Variants in SLC3A2 observed in about 807,000 individuals in gnomAD.
SLC3A2 encodes the protein amino acid transporter heavy chain SLC3A2.
Under a neutral mutation model 48.5 loss-of-function variants are expected in SLC3A2, and 32 were observed. That is an observed-to-expected ratio of 0.66 (90% confidence interval 0.50 to 0.89). The LOEUF is 0.89. Among genes scored for constraint, SLC3A2 ranks in the 40% least tolerant of loss-of-function variants. The pLI, the probability that SLC3A2 is intolerant of heterozygous loss-of-function variation, is 0.00. For synonymous variants in SLC3A2, 277 were observed against 288.8 expected, an observed-to-expected ratio of 0.96 and a Z score of 0.41; for missense variants, 587 against 680.7, an observed-to-expected ratio of 0.86 and a Z score of 1.53.
intron 1 of SLC3A2, among the ~76,000 whole-genome samples, chr11:62,861,717 A>G (rs1590615998): frequency 6.6e-6 from 1 of 152,018 alleles, no homozygotes; most frequent in Non-Finnish European, 1.5e-5. Context: ...GGAGTTCGAG[A>G]CCAGCCTGAC....
intron 1 of SLC3A2, among the ~76,000 whole-genome samples, chr11:62,869,758 T>C (rs1012795971): frequency 2.6e-5 from 4 of 151,814 alleles, no homozygotes; most frequent in Non-Finnish European, 5.9e-5. Context: ...TTTATTTGTC[T>C]TTTTCTTCAT....
chr11:62,881,957 T>G lies in SLC3A2; in HGVS notation c.489T>G (p.Ile163Met). 1 of 1,614,072 alleles carries G rather than the reference T, an allele frequency of 6.2e-7. No individual in the cohort carries two copies. Among genetic ancestry groups the G allele is most frequent in the Non-Finnish European group, 8.5e-7 (1 of 1,180,010 alleles). Residue 163 changes from isoleucine (I) to methionine (M), a missense_variant, in exon 2 of 9, where the codon ATT becomes ATG. By Grantham distance (10) the Ile-to-Met change is conservative (BLOSUM62 1). Around this residue, in one of 3 missense-constraint regions of SLC3A2, gnomAD observed 409 missense variants for 446.7 expected, o/e 0.92. Coordinates refer to ENST00000338663, the MANE Select transcript of SLC3A2 (RefSeq NM_001013251.3). This position sits in a 1 kb window ranked among gnomAD's most constrained non-coding sequence, Gnocchi z 4.0. The stretch of plus-strand genomic sequence containing the variant: ...TGAAGGGCCTTGTGCTGGGTCCAAT[T>G]CACAAGAACCAGAAGGATGATGTCG... ...LKVKGLVLGP[I>M]HKNQKDDVAQ... is the part of the protein sequence containing the mutation.
At position 62,881,652 on chromosome 11, in the gene SLC3A2, C is replaced by A. The variant is rs574307727; in HGVS notation, c.424+205C>A. ...AGCCGACCCGCCCCTCACTCCGTCA[C>A]GAGGGTGGGTGACTCAGCGTCCTCC... On this transcript the variant is annotated intron_variant, in intron 1 of 8. Coordinates refer to ENST00000338663, the MANE Select transcript of SLC3A2 (RefSeq NM_001013251.3). This position sits in a 1 kb window ranked among gnomAD's most constrained non-coding sequence, Gnocchi z 4.0. The A allele has an allele frequency of 1.4e-5, 13 of 909,958 alleles. No homozygotes were observed. The highest frequency in any genetic ancestry group is 2.1e-5 in the Non-Finnish European group (13 of 622,716). 56.4% of individuals were successfully genotyped at this position (909,958 alleles called of 1,614,324 possible). A position where few individuals can be genotyped will look rare whatever the true frequency, so the allele number is the denominator to read the frequency against.
rs369377724 is a variant in SLC3A2 at position 62,870,018 on chromosome 11, C to T, written c.113-11001C>T. Among the ~76,000 whole-genome samples, 5 of 151,686 alleles carry T rather than the reference C, an allele frequency of 3.3e-5. 1 individual carries two copies. The highest frequency in any genetic ancestry group is 3.9e-4 in the East Asian group (2 of 5,132). ...GGCTGCTCTCTGGCCAGGCTTGTCT[C>T]GAACTCCTGACCTTGTGATCTGCCC... On this transcript the variant is annotated intron_variant, in intron 1 of 9. Coordinates refer to the SLC3A2 transcript ENST00000377889.
intron 1 of SLC3A2, among the ~76,000 whole-genome samples, chr11:62,869,024 G>A (rs986334245): frequency 3.3e-5 from 5 of 151,590 alleles, no homozygotes; most frequent in African/African-American, 9.7e-5. Flanking sequence ...TCAGCCTCCC[G>A]AATAGCTGGG....
At chr11:62,876,157 G>A (rs894360894), upstream of SLC3A2, among the ~76,000 whole-genome samples, 2 of 152,220 alleles carry the variant, frequency 1.3e-5, no homozygotes, top group South Asian at 2.1e-4. Context: ...GAGCTGCTGT[G>A]CCTGGTCAAT....
rs1162222455 is a variant in SLC3A2 at position 62,881,961 on chromosome 11, A to G, written c.493A>G (p.Lys165Glu). 1 of 1,614,040 alleles carries G rather than the reference A, an allele frequency of 6.2e-7. No homozygotes were observed. Among genetic ancestry groups the G allele is most frequent in the Non-Finnish European group, 8.5e-7 (1 of 1,180,038 alleles). ...VKGLVLGPIH[K>E]NQKDDVAQTD... ...GGGCCTTGTGCTGGGTCCAATTCAC[A>G]AGAACCAGAAGGATGATGTCGCTCA... Residue 165 changes from lysine (K) to glutamate (E), a missense_variant, in exon 2 of 9, where the codon AAG becomes GAG. Coordinates refer to ENST00000338663, the MANE Select transcript of SLC3A2 (RefSeq NM_001013251.3). This position sits in a 1 kb window ranked among gnomAD's most constrained non-coding sequence, Gnocchi z 4.0.
chr11:62,858,615 G>T, intron 1 of SLC3A2, among the ~76,000 whole-genome samples: 1 of 152,134 alleles, frequency 6.6e-6, no homozygotes, highest in Non-Finnish European at 1.5e-5. Context: ...TATAGAGAAA[G>T]AAATAAGGGG....
chr11:62,867,641 A>C (rs2085468009), intron 1 of SLC3A2, among the ~76,000 whole-genome samples: 1 of 151,622 alleles, frequency 6.6e-6, no homozygotes, highest in African/African-American at 2.4e-5. Context: ...TCTTTCTTTA[A>C]ATTTAATTTA....
chr11:62,881,209 C>T lies in SLC3A2; in HGVS notation c.186C>T (p.Gly62=), dbSNP rs767692574. The change falls in exon 1 of 9, where the codon GGC becomes GGT. Residue 62 remains glycine, a synonymous_variant. Transcript: ENST00000338663. This position sits in a 1 kb window ranked among gnomAD's most constrained non-coding sequence, Gnocchi z 4.0. The part of the protein sequence containing the change: ...AEAAAAAKFT[G]LSKEELLKVA... ...CGGCAGCCGCGGCTAAGTTCACGGGCCTGTCCAAGGAGGAGCTGCTGAAGG... is the reference window on the plus strand; with the variant it reads ...CGGCAGCCGCGGCTAAGTTCACGGGTCTGTCCAAGGAGGAGCTGCTGAAGG... The T allele has an allele frequency of 5.0e-6, 8 of 1,590,032 alleles. No individual in the cohort carries two copies. The South Asian group carries it at 8.0e-5, about 16-fold the overall frequency.
At chr11:62,885,643 G>T in intron 7 of SLC3A2, 35 bp downstream of exon 7, 3 of 1,611,436 alleles carry the variant, frequency 1.9e-6, no homozygotes, top group Non-Finnish European at 2.5e-6. Flanking sequence ...CAGGGAGGTT[G>T]TTTATCCATC....
In SLC3A2 at chr11:62,866,187, G is replaced by A. The variant is rs924888292; in HGVS notation, c.112+9806G>A. Reference sequence around the variant, plus strand: ...GGCTGGAGTGCAATGGTACGATCTTGGCTCATTGCAACCTCTGCCTCCTGG... The same window carrying A: ...GGCTGGAGTGCAATGGTACGATCTTAGCTCATTGCAACCTCTGCCTCCTGG... On this transcript the variant is annotated intron_variant, in intron 1 of 9. Coordinates refer to the SLC3A2 transcript ENST00000377889. Among the ~76,000 whole-genome samples, 12 of 150,012 alleles carry A rather than the reference G, an allele frequency of 8.0e-5. No individual in the cohort carries two copies. In the South Asian group the frequency reaches 2.3e-3, roughly 29 times the overall value.
At chr11:62,856,345 G>T (rs1369369216) in exon 1 of SLC3A2, 7 of 1,613,022 alleles carry the variant, frequency 4.3e-6, no homozygotes, top group Non-Finnish European at 5.9e-6. Context: ...ACATTCGGAG[G>T]CTGGTGTCCA....
At chr11:62,867,869 AG>A (rs2085470110) in intron 1 of SLC3A2, among the ~76,000 whole-genome samples, 1 of 152,006 alleles carries the variant, frequency 6.6e-6, no homozygotes, top group African/African-American at 2.4e-5. Flanking sequence ...CTAGTATTCT[AG>A]TTAGAAATTT....
At chr11:62,867,670 T>C (rs2085468353) in intron 1 of SLC3A2, among the ~76,000 whole-genome samples, 1 of 152,014 alleles carries the variant, frequency 6.6e-6, no homozygotes, top group African/African-American at 2.4e-5. Context: ...AATTAAGATG[T>C]TTATCTCACT....
chr11:62,877,739 C>G (rs557445808), upstream of SLC3A2, among the ~76,000 whole-genome samples: 3 of 152,348 alleles, frequency 2.0e-5, no homozygotes, highest in African/African-American at 7.2e-5. Context: ...CTGAAAAAGC[C>G]TGGTGTGTTG....
At chr11:62,856,372 G>T (rs892978460) in exon 1 of SLC3A2, 3 of 1,611,226 alleles carry the variant, frequency 1.9e-6, no homozygotes, top group African/African-American at 1.3e-5. Flanking sequence ...CAGCGCGGGG[G>T]ACGACTCAGG....
At chr11:62,888,040 C>T (rs2085737443) in intron 7 of SLC3A2, 95 bp from the exon 8 acceptor site, 1 of 1,096,442 alleles carries the variant, frequency 9.1e-7, no homozygotes, top group African/African-American at 1.6e-5. Context: ...AAGCAATCCT[C>T]TTGGCCTTGA....
At position 62,881,505 on chromosome 11, in the gene SLC3A2, G is replaced by C. The variant is rs150368285; in HGVS notation, c.424+58G>C. On this transcript the variant is annotated intron_variant, in intron 1 of 8. Coordinates refer to ENST00000338663, the MANE Select transcript of SLC3A2 (RefSeq NM_001013251.3). This position sits in a 1 kb window ranked among gnomAD's most constrained non-coding sequence, Gnocchi z 4.0. ...CCGGTTGAATCTGGTGGCTTGCACC[G>C]ACCCCCTCCCCTGTCCCCAGACGGA... 30,117 of 1,499,606 alleles carry C rather than the reference G, an allele frequency of 0.02. 341 individuals are homozygous for C. The highest frequency in any genetic ancestry group is 0.024 in the Non-Finnish European group (27,140 of 1,128,234). 92.9% of individuals were successfully genotyped at this position (1,499,606 alleles called of 1,614,324 possible).
Sources: gnomAD v4.1 joint callset for allele counts (sites outside exome capture counted in the v4.1 genomes callset) on GRCh38, gnomAD v4.1.1 for gene constraint, gnomAD v4.1.1 regional missense constraint, Gnocchi (gnomAD v3.1) non-coding constraint, MANE v1.5 for transcripts, NCBI Gene and HGNC (gene_info 2026-07-23, HGNC 2026-07-21) for gene names.